ACOXL: variants seen among roughly 807,000 people sequenced by gnomAD.
ACOXL encodes the protein acyl-coenzyme A oxidase-like protein.
A neutral mutation model predicts 71.9 loss-of-function variants in ACOXL; 70 were observed. The observed-to-expected ratio is 0.97, with a 90% confidence interval of 0.80 to 1.19. ACOXL has a LOEUF of 1.19. Ranked by LOEUF, ACOXL falls within the 50% of genes most tolerant of loss-of-function variation. ACOXL has a pLI of 0.00. For missense variants in ACOXL, 703 were observed against 736.3 expected, an observed-to-expected ratio of 0.95 and a Z score of 0.52; for synonymous variants, 253 against 281.6, an observed-to-expected ratio of 0.90 and a Z score of 1.02.
chr2:110,864,365 G>A (rs896744483), intron 10 of ACOXL, among the ~76,000 whole-genome samples: 1 of 152,110 alleles, frequency 6.6e-6, no homozygotes, highest in Non-Finnish European at 1.5e-5. Flanking sequence ...AACACCAGGG[G>A]CTCTCCATCC....
At chr2:110,811,592 G>A (rs1465406059) in intron 9 of ACOXL, among the ~76,000 whole-genome samples, 1 of 152,182 alleles carries the variant, frequency 6.6e-6, no homozygotes, top group East Asian at 1.9e-4. Context: ...GGAACATGGT[G>A]TTGGGGAGTT....
chr2:110,806,635 T>A (rs1686676695), intron 9 of ACOXL, among the ~76,000 whole-genome samples: 1 of 152,202 alleles, frequency 6.6e-6, no homozygotes, highest in Non-Finnish European at 1.5e-5. Flanking sequence ...TAGCTGAAGC[T>A]GTGATAGCAG....
intron 16 of ACOXL, among the ~76,000 whole-genome samples, chr2:111,063,717 A>G (rs532773495): frequency 5.9e-4 from 90 of 152,342 alleles, no homozygotes; most frequent in African/African-American, 2.0e-3. Flanking sequence ...CACTAAAAAC[A>G]AGGCAAAGTT....
intron 9 of ACOXL, among the ~76,000 whole-genome samples, chr2:110,821,544 C>G (rs1219770298): frequency 2.6e-5 from 4 of 152,144 alleles, no homozygotes; most frequent in Admixed American, 2.6e-4. Context: ...AGCAGGTGCC[C>G]TGTCCATCTC....
At chr2:110,935,532 G>A (rs934707346) in intron 12 of ACOXL, among the ~76,000 whole-genome samples, 5 of 152,092 alleles carry the variant, frequency 3.3e-5, no homozygotes, top group African/African-American at 9.7e-5. Flanking sequence ...CTGTGCTGCC[G>A]AGGACCACCC....
intron 10 of ACOXL, among the ~76,000 whole-genome samples, chr2:110,900,554 T>C (rs1030446036): frequency 2.0e-5 from 3 of 152,304 alleles, no homozygotes; most frequent in Non-Finnish European, 2.9e-5. Flanking sequence ...TTAGAGTCTG[T>C]GTGCAAACCA....
chr2:110,870,570 C>A (rs1367496957), intron 10 of ACOXL, among the ~76,000 whole-genome samples: 4 of 151,976 alleles, frequency 2.6e-5, no homozygotes, highest in Admixed American at 6.6e-5. Flanking sequence ...CACAGTTATG[C>A]CAGGGACAGT....
intron 10 of ACOXL, among the ~76,000 whole-genome samples, chr2:110,898,046 G>A (rs1384954874): frequency 6.6e-6 from 1 of 152,130 alleles, no homozygotes. Context: ...CTCCCCCAAT[G>A]TGTAAGATAA....
chr2:110,837,603 C>T (rs1388530634), intron 9 of ACOXL, among the ~76,000 whole-genome samples: 1 of 151,926 alleles, frequency 6.6e-6, no homozygotes, highest in Non-Finnish European at 1.5e-5. Flanking sequence ...GAAGGTCTGC[C>T]TGTTGTCTGA....
At chr2:110,969,930 A>G (rs1339926640) in intron 12 of ACOXL, among the ~76,000 whole-genome samples, 1 of 152,214 alleles carries the variant, frequency 6.6e-6, no homozygotes, top group Non-Finnish European at 1.5e-5. Context: ...CAAAGTTGAA[A>G]CAGACAAACT....
chr2:110,772,263 G>A (rs568477570), intron 2 of ACOXL, among the ~76,000 whole-genome samples: 1 of 152,272 alleles, frequency 6.6e-6, no homozygotes, highest in East Asian at 1.9e-4. Context: ...GCTTGCCCCT[G>A]TCTGCACAAT....
intron 12 of ACOXL, among the ~76,000 whole-genome samples, chr2:110,949,704 G>A (rs1027316671): frequency 6.6e-6 from 1 of 152,106 alleles, no homozygotes; most frequent in Admixed American, 6.5e-5. Context: ...CTATGAAGAA[G>A]CACTAGGGAC....
At chr2:111,035,826 A>G (rs2065484857) in intron 15 of ACOXL, among the ~76,000 whole-genome samples, 2 of 152,226 alleles carry the variant, frequency 1.3e-5, no homozygotes, top group African/African-American at 4.8e-5. Flanking sequence ...TGCTTGTTGC[A>G]GTATTCTTCC....
intron 3 of ACOXL, among the ~76,000 whole-genome samples, chr2:110,790,112 C>G (rs2105227661): frequency 6.6e-6 from 1 of 152,014 alleles, no homozygotes; most frequent in African/African-American, 2.4e-5. Flanking sequence ...ATCAGTAATG[C>G]CTACAAGGAT....
At chr2:110,842,046 A>G (rs1691237780) in intron 10 of ACOXL, among the ~76,000 whole-genome samples, 1 of 152,176 alleles carries the variant, frequency 6.6e-6, no homozygotes, top group Non-Finnish European at 1.5e-5. Flanking sequence ...ACAGCCTCCC[A>G]AAGTGCCACC....
intron 9 of ACOXL, among the ~76,000 whole-genome samples, chr2:110,819,553 G>T (rs562757797): frequency 6.6e-6 from 1 of 152,258 alleles, no homozygotes; most frequent in African/African-American, 2.4e-5. Context: ...GAATGCAAGA[G>T]GTGGGTTGGA....
At chr2:110,886,911 A>G (rs577706430) in intron 10 of ACOXL, 4 of 1,526,890 alleles carry the variant, frequency 2.6e-6, no homozygotes, top group Admixed American at 4.1e-5. Flanking sequence ...GAAATCAGCC[A>G]CTTAACTGTT....
chr2:110,846,641 G>GCACGCACACACACACACACACACA (rs1553562227), intron 10 of ACOXL, among the ~76,000 whole-genome samples: 5 of 137,928 alleles, frequency 3.6e-5, no homozygotes, highest in Non-Finnish European at 7.8e-5. Flanking sequence ...ATGCATACAC[G>GCACGCACACACACACACACACACA]CACACACACA....
intron 2 of ACOXL, among the ~76,000 whole-genome samples, chr2:110,775,306 G>T (rs535457733): frequency 5.3e-5 from 8 of 152,038 alleles, no homozygotes; most frequent in Non-Finnish European, 1.2e-4. Flanking sequence ...TTTGAAAAAC[G>T]TAGATACATT....
Sources: allele counts gnomAD v4.1 joint callset (sites outside exome capture counted in the v4.1 genomes callset), GRCh38; gene constraint gnomAD v4.1.1; transcripts MANE v1.5; gene names NCBI Gene and HGNC (gene_info 2026-07-23, HGNC 2026-07-21).